Variants in NAV1 observed in about 807,000 individuals in gnomAD.
The protein encoded by NAV1 is pore membrane and/or filament interacting like protein 3.
In NAV1, 18 loss-of-function variants were observed where a neutral mutation model predicts 175.2. The observed-to-expected ratio is 0.10, with a 90% CI of 0.07 to 0.15. The LOEUF (loss-of-function observed/expected upper bound fraction) is 0.15. NAV1 is among the 10% of genes least tolerant of loss of function. The pLI is 1.00. For synonymous variants in NAV1, 897 were observed against 978.7 expected (o/e 0.92, Z 1.56); for missense variants, 1,731 against 2,436.6 (o/e 0.71, Z 6.10).
rs34841837 is a variant in NAV1, at chr1:201,785,788, C to CTTTTTTTTT, written c.2846+451_2846+459dup. ...TTCAGTTGGGTGGCAACTATTGCAA[C>CTTTTTTTTT]TTTTTTTTTTTTTTTTTTTTTTGAG... is the stretch of plus-strand genomic sequence containing the variant. On this transcript the variant is annotated intron_variant, in intron 8 of 29. Transcript: ENST00000367296. Among the ~76,000 whole-genome samples, 9 of 99,542 alleles carry CTTTTTTTTT rather than the reference C, an allele frequency of 9.0e-5. 1 individual carries two copies. The highest frequency in any genetic ancestry group is 3.6e-4 in the South Asian group (1 of 2,800). 65.3% of individuals were successfully genotyped at this position (99,542 alleles called of 152,430 possible).
At chr1:201,634,238 T>C (rs541904555) in intron 2 of NAV1, among the ~76,000 whole-genome samples, 2 of 152,228 alleles carry the variant, frequency 1.3e-5, no homozygotes, top group Non-Finnish European at 2.9e-5. Flanking sequence ...GTAAAGCGCT[T>C]AGAAGAATGG....
At chr1:201,613,297 G>T (rs1052460558) in intron 2 of NAV1, among the ~76,000 whole-genome samples, 1 of 143,002 alleles carries the variant, frequency 7.0e-6, no homozygotes. Flanking sequence ...CCCTCTCCCC[G>T]CCTCCCCCCC....
At chr1:201,752,016 C>T (rs749722345) in intron 3 of NAV1, among the ~76,000 whole-genome samples, 31 of 152,174 alleles carry the variant, frequency 2.0e-4, no homozygotes, top group South Asian at 6.2e-4. Flanking sequence ...TTTCACAATG[C>T]ATTAGCTGGG....
At position 201,810,233 on chromosome 1, in the gene NAV1, T is replaced by A. The variant is rs1571516088; in HGVS notation, c.4561+128T>A. 5 of 1,299,732 alleles carry A rather than the reference T, an allele frequency of 3.8e-6. No individual in the cohort carries two copies. The highest frequency in any genetic ancestry group is 3.2e-6 in the Non-Finnish European group (3 of 949,824). The allele number at this position is 1,299,732 out of a possible 1,614,324, so 80.5% of individuals were successfully genotyped here. On this transcript the variant is annotated intron_variant, in intron 23 of 29. Transcript: ENST00000367296. The surrounding 1 kb of genome is among the most constrained non-coding windows in gnomAD (Gnocchi z 6.0). ...GTATAATATGAAGATGCTTAAGTAA[T>A]GTGAGATATAAAAAGATGAGTAAGA...
At position 201,782,812 on chromosome 1, in the gene NAV1, A is replaced by G; in HGVS notation, c.2300A>G (p.Asn767Ser). 1.2e-6 allele frequency: 2 copies of G among 1,609,192 alleles called. No homozygotes were observed. The highest frequency in any genetic ancestry group is 1.7e-6 in the Non-Finnish European group (2 of 1,176,826). ...GGCTCCCCAGAAAGTACTCCCAAGA[A>G]CCAAGCAAGCCACCCCACAGCCACC... Residue 767 changes from asparagine (N) to serine (S), a missense_variant, in exon 6 of 30, where the codon AAC becomes AGC. Coordinates refer to ENST00000367296, the Ensembl canonical transcript of NAV1. The surrounding 1 kb of genome is among the most constrained non-coding windows in gnomAD (Gnocchi z 5.4).
chr1:201,645,977 G>A (rs1558033391), upstream of NAV1, among the ~76,000 whole-genome samples: 1 of 152,220 alleles, frequency 6.6e-6, no homozygotes, highest in Non-Finnish European at 1.5e-5. Context: ...TTCATTACAA[G>A]TACCCTGAAG....
At chr1:201,696,563 G>A (rs544681837) in intron 1 of NAV1, among the ~76,000 whole-genome samples, 3 of 152,204 alleles carry the variant, frequency 2.0e-5, no homozygotes, top group Non-Finnish European at 4.4e-5. Context: ...CTGGCTGGTG[G>A]CCCATGACTC....
Position 201,648,860 on chromosome 1 carries a change from G to T in NAV1, c.192G>T (p.Leu64=), listed in dbSNP as rs147732917. The change falls in exon 1 of 30, where the codon CTG becomes CTT. Residue 64 remains leucine (L), a synonymous_variant. Coordinates refer to ENST00000367296, the Ensembl canonical transcript of NAV1. ...TGGCCAAGGCCAGCGCGGCTGAGCT[G>T]AAGGTCTTCAAGTCCGGCAGCGTGG... 48 of 1,611,862 alleles carry T rather than the reference G, an allele frequency of 3.0e-5. No homozygotes were observed. The African/African-American group carries it at 6.1e-4, about 21-fold the overall frequency.
At chr1:201,762,516 T>C (rs909128061) in intron 3 of NAV1, among the ~76,000 whole-genome samples, 4 of 152,244 alleles carry the variant, frequency 2.6e-5, no homozygotes, top group Non-Finnish European at 2.9e-5. Context: ...ATGAAAATTA[T>C]GTGAAATTCA....
intron 1 of NAV1, among the ~76,000 whole-genome samples, chr1:201,624,023 C>T (rs1054930553): frequency 1.2e-4 from 19 of 152,222 alleles, no homozygotes; most frequent in Admixed American, 8.5e-4. Flanking sequence ...TAGACCAACT[C>T]TATTGGCTTG....
At chr1:201,770,228 C>T (rs1373668634) in intron 3 of NAV1, among the ~76,000 whole-genome samples, 3 of 152,220 alleles carry the variant, frequency 2.0e-5, no homozygotes, top group Non-Finnish European at 4.4e-5. Flanking sequence ...CCATGCATTG[C>T]CACGTGTCTG....
chr1:201,806,174 G>A (rs756233000), intron 17 of NAV1, among the ~76,000 whole-genome samples: 22 of 151,870 alleles, frequency 1.4e-4, no homozygotes, highest in Non-Finnish European at 1.2e-4. Flanking sequence ...TAGTAGAGAC[G>A]CGGTTTCACC....
intron 1 of NAV1, among the ~76,000 whole-genome samples, chr1:201,677,962 C>A (rs1445392701): frequency 6.6e-6 from 1 of 152,088 alleles, no homozygotes; most frequent in African/African-American, 2.4e-5. Flanking sequence ...GAAGCTTTCA[C>A]CAAACATGCT....
chr1:201,621,727 T>C (rs1394994608), upstream of NAV1, among the ~76,000 whole-genome samples: 1 of 152,264 alleles, frequency 6.6e-6, no homozygotes, highest in African/African-American at 2.4e-5. Context: ...TTCACATCTA[T>C]CAGTGTTTTA....
intron 15 of NAV1, among the ~76,000 whole-genome samples, chr1:201,800,817 C>CTTTTTTTTTTTT (rs61404613): frequency 5.5e-5 from 5 of 90,786 alleles, no homozygotes; most frequent in Non-Finnish European, 9.8e-5. Context: ...CTTGGTGTAT[C>CTTTTTTTTTTTT]TTTTTTTTTT....
intron 3 of NAV1, chr1:201,739,917 C>T (rs1001663622): frequency 4.9e-5 from 64 of 1,302,580 alleles, no homozygotes; most frequent in Non-Finnish European, 6.0e-5. Flanking sequence ...CGACCCTCCG[C>T]GTGGCCCACA....
intron 1 of NAV1, among the ~76,000 whole-genome samples, chr1:201,571,015 C>G (rs1051106452): frequency 2.0e-5 from 3 of 152,238 alleles, no homozygotes; most frequent in African/African-American, 4.8e-5. Flanking sequence ...CTGCCAGGGT[C>G]GAGGTGTCCT....
chr1:201,810,138 G>T lies in NAV1; in HGVS notation c.4561+33G>T, dbSNP rs747153754. The T allele has an allele frequency of 6.2e-7, 1 of 1,608,694 alleles. No individual in the cohort carries two copies. The highest frequency in any genetic ancestry group is 8.5e-7 in the Non-Finnish European group (1 of 1,176,478). ...TTTGTCTCTTGGGGTGAGGTGGTGT[G>T]GCATGAAGGCAGGGACAGGATCATC... On this transcript the variant is annotated intron_variant, in intron 23 of 29. Transcript: ENST00000367296. The surrounding 1 kb of genome is among the most constrained non-coding windows in gnomAD (Gnocchi z 6.0).
At chr1:201,682,269 G>A (rs967545485) in intron 1 of NAV1, among the ~76,000 whole-genome samples, 9 of 151,914 alleles carry the variant, frequency 5.9e-5, no homozygotes, top group Admixed American at 5.9e-4. Flanking sequence ...CTGGGCAAAA[G>A]AGCAAGACTC....
Sources: allele counts gnomAD v4.1 joint callset (sites outside exome capture counted in the v4.1 genomes callset), GRCh38; gene constraint gnomAD v4.1.1; non-coding constraint Gnocchi (gnomAD v3.1); transcripts MANE v1.5; gene names NCBI Gene and HGNC (gene_info 2026-07-23, HGNC 2026-07-21).